The following SDK1 variants were observed in gnomAD, a reference collection of about 807,000 sequenced individuals.
SDK1 encodes the protein sidekick cell adhesion molecule 1, also known as protein sidekick-1.
A neutral mutation model predicts 245.5 loss-of-function variants in SDK1; 157 were observed. The ratio of observed to expected loss-of-function variants is 0.64; its 90% CI spans 0.56 to 0.73. The LOEUF (loss-of-function observed/expected upper bound fraction) is 0.73, where lower values mean the gene tolerates loss of function less well. SDK1 is among the 30% of genes least tolerant of loss of function. The pLI, the probability that SDK1 is intolerant of heterozygous loss-of-function variation, is 0.00. For synonymous variants in SDK1, 1,647 were observed against 1,278.5 expected (o/e 1.29, Z -6.15); for missense variants, 3,583 against 3,002.3 (o/e 1.19, Z -4.52).
chr7:4,178,149 C>T (rs559796300), intron 34 of SDK1, among the ~76,000 whole-genome samples: 8 of 152,316 alleles, frequency 5.3e-5, no homozygotes, highest in Non-Finnish European at 1.0e-4. Flanking sequence ...TCCTGCTTTG[C>T]GACCTGGTTC....
At chr7:3,855,757 A>G (rs914512985) in intron 5 of SDK1, among the ~76,000 whole-genome samples, 2 of 152,182 alleles carry the variant, frequency 1.3e-5, no homozygotes, top group Admixed American at 6.5e-5. Context: ...TTACAACACA[A>G]TATACTAAAA....
chr7:3,336,067 C>T (rs1387556213), intron 1 of SDK1, among the ~76,000 whole-genome samples: 1 of 152,154 alleles, frequency 6.6e-6, no homozygotes, highest in East Asian at 1.9e-4. Context: ...TAGGCACAGA[C>T]AGCAAAACTC....
chr7:4,180,416 A>G (rs1284071614), intron 35 of SDK1, among the ~76,000 whole-genome samples: 6 of 148,636 alleles, frequency 4.0e-5, no homozygotes, highest in South Asian at 2.1e-4. Flanking sequence ...CTCCAGCTCT[A>G]TGCCCAGCGC....
intron 38 of SDK1, among the ~76,000 whole-genome samples, chr7:4,219,798 T>G (rs1039072593): frequency 5.0e-5 from 2 of 40,280 alleles, no homozygotes; most frequent in East Asian, 7.7e-4. Flanking sequence ...ACCGCCCCCC[T>G]TCCCCCGCCC....
At chr7:4,020,632 A>C (rs1786811613) in intron 17 of SDK1, among the ~76,000 whole-genome samples, 1 of 152,200 alleles carries the variant, frequency 6.6e-6, no homozygotes, top group Admixed American at 6.5e-5. Flanking sequence ...CTGTGAATGC[A>C]TCAGGGGGAC....
intron 35 of SDK1, among the ~76,000 whole-genome samples, chr7:4,187,468 G>T (rs566842963): frequency 6.6e-6 from 1 of 152,216 alleles, no homozygotes; most frequent in Admixed American, 6.5e-5. Flanking sequence ...CCCTGCAGCG[G>T]TGACCAGATA....
rs141458717 is a variant in SDK1, at chr7:3,543,647, TCAGCAGG to T, written c.299-75429_299-75423del. On this transcript the variant is annotated intron_variant, in intron 1 of 44. Coordinates refer to ENST00000404826, the MANE Select transcript of SDK1 (RefSeq NM_152744.4). ...TGGAATGGTGCACTCTGTATGTTTC[TCAGCAGG>T]CAGAGCGCTGGGTTTGTTGAGTGAG... is the stretch of plus-strand genomic sequence containing the variant. 8.1e-3 allele frequency among the ~76,000 whole-genome samples: 1,235 copies of T among 152,326 alleles called. 22 individuals carry two copies. The highest frequency in any genetic ancestry group is 0.029 in the African/African-American group (1,187 of 41,560).
intron 9 of SDK1, among the ~76,000 whole-genome samples, chr7:3,963,682 G>C (rs920351706): frequency 1.3e-4 from 14 of 106,160 alleles, no homozygotes; most frequent in African/African-American, 4.9e-4. Flanking sequence ...GATGTAACCA[G>C]TGGGTACACC....
chr7:4,257,722 G>A (rs1006563068), intron 44 of SDK1, among the ~76,000 whole-genome samples: 4 of 152,150 alleles, frequency 2.6e-5, no homozygotes, highest in Non-Finnish European at 4.4e-5. Context: ...TGTTCTGTCC[G>A]ATTAGCTGTT....
intron 30 of SDK1, among the ~76,000 whole-genome samples, chr7:4,154,019 G>C (rs1220004024): frequency 6.6e-6 from 1 of 152,096 alleles, no homozygotes; most frequent in Non-Finnish European, 1.5e-5. Context: ...GTGCCTTCCA[G>C]ATAAGTAAAT....
Position 3,699,703 on chromosome 7 carries a change from T to G in SDK1, c.713+57598T>G, listed in dbSNP as rs369144819. ...GTATCCAAGAAGAAGAGAAAGAGGG[T>G]AGAGTTGAAGAATTATTCAAAGAAA... On this transcript the variant is annotated intron_variant, in intron 4 of 44. Coordinates refer to ENST00000404826, the MANE Select transcript of SDK1 (RefSeq NM_152744.4). 2.1e-3 allele frequency among the ~76,000 whole-genome samples: 324 copies of G among 152,052 alleles called. 4 individuals are homozygous for G. The highest frequency in any genetic ancestry group is 7.2e-3 in the African/African-American group (297 of 41,458).
At chr7:3,906,356 A>G (rs1562526980) in intron 5 of SDK1, among the ~76,000 whole-genome samples, 1 of 152,014 alleles carries the variant, frequency 6.6e-6, no homozygotes, top group Non-Finnish European at 1.5e-5. Context: ...GAACATACTA[A>G]TCTTTACAAT....
intron 1 of SDK1, among the ~76,000 whole-genome samples, chr7:3,544,487 G>C (rs1779154889): frequency 6.6e-6 from 1 of 152,186 alleles, no homozygotes; most frequent in South Asian, 2.1e-4. Context: ...AGTCACTTCT[G>C]CTCTCTTGGC....
intron 30 of SDK1, among the ~76,000 whole-genome samples, chr7:4,153,999 A>G (rs947242794): frequency 2.1e-4 from 32 of 152,298 alleles, no homozygotes; most frequent in African/African-American, 7.5e-4. Flanking sequence ...ATTCTTAAGA[A>G]ACATTTTTAG....
chr7:3,690,331 A>T (rs934537964), intron 4 of SDK1, among the ~76,000 whole-genome samples: 23 of 152,158 alleles, frequency 1.5e-4, no homozygotes, highest in Non-Finnish European at 3.1e-4. Flanking sequence ...CTGTAACTAG[A>T]AATTTTTTTC....
At chr7:3,581,106 C>G (rs1036936950) in intron 1 of SDK1, among the ~76,000 whole-genome samples, 1 of 149,468 alleles carries the variant, frequency 6.7e-6, no homozygotes, top group African/African-American at 2.5e-5. Flanking sequence ...CAAAAGTTGA[C>G]AAATGGGATC....
intron 1 of SDK1, among the ~76,000 whole-genome samples, chr7:3,418,145 G>T (rs554792861): frequency 4.2e-5 from 5 of 119,724 alleles, no homozygotes; most frequent in East Asian, 2.4e-4. Flanking sequence ...TACTAAAAAT[G>T]AAAAAAAAAA....
intron 1 of SDK1, among the ~76,000 whole-genome samples, chr7:3,307,709 T>C (rs1779452592): frequency 1.3e-5 from 2 of 152,286 alleles, no homozygotes; most frequent in South Asian, 4.2e-4. Context: ...ATGGATATAG[T>C]AAATGGAAAA....
intron 19 of SDK1, among the ~76,000 whole-genome samples, chr7:4,060,714 C>A (rs948426677): frequency 6.6e-6 from 1 of 152,024 alleles, no homozygotes; most frequent in Non-Finnish European, 1.5e-5. Flanking sequence ...GAAGTCCTTG[C>A]CCATGCCTAT....
Sources: gnomAD v4.1 joint callset for allele counts (sites outside exome capture counted in the v4.1 genomes callset) on GRCh38, gnomAD v4.1.1 for gene constraint, MANE v1.5 for transcripts, NCBI Gene and HGNC (gene_info 2026-07-23, HGNC 2026-07-21) for gene names.